RGS6: variants seen among roughly 807,000 people sequenced by gnomAD.
The protein encoded by RGS6 is regulator of G protein signaling 6, also known as regulator of G-protein signaling 6.
A neutral mutation model predicts 78.5 loss-of-function variants in RGS6; 30 were observed. The observed-to-expected ratio is 0.38, with a 90% CI of 0.29 to 0.52. The LOEUF is 0.52. Ranked by LOEUF, RGS6 falls within the 20% of genes least tolerant of loss-of-function variation. The pLI is 0.85. For missense variants in RGS6, 495 were observed against 609.7 expected (o/e 0.81, Z 1.98); for synonymous variants, 206 against 206.0 (o/e 1.00, Z 0.00).
At chr14:72,034,622 T>A (rs2091414710) in intron 2 of RGS6, among the ~76,000 whole-genome samples, 1 of 152,152 alleles carries the variant, frequency 6.6e-6, no homozygotes, top group Admixed American at 6.6e-5. Flanking sequence ...ATCCTTGTGG[T>A]TTTCTTGTAG....
chr14:72,161,537 G>A (rs1034561581), intron 2 of RGS6, among the ~76,000 whole-genome samples: 2 of 152,164 alleles, frequency 1.3e-5, no homozygotes, highest in Admixed American at 6.5e-5. Context: ...ATTACTCAGT[G>A]ATGACCCCAG....
intron 5 of RGS6, among the ~76,000 whole-genome samples, chr14:72,458,873 C>T (rs918620060): frequency 3.3e-5 from 5 of 152,194 alleles, no homozygotes; most frequent in Admixed American, 6.5e-5. Flanking sequence ...CCTCCCAATA[C>T]CATCACCTTG....
At chr14:71,985,600 G>A (rs1325511496) in intron 2 of RGS6, among the ~76,000 whole-genome samples, 3 of 152,130 alleles carry the variant, frequency 2.0e-5, no homozygotes, top group Non-Finnish European at 1.5e-5. Flanking sequence ...GGCATATATA[G>A]ACTGGGCTTC....
the RGS6 span, among the ~76,000 whole-genome samples, chr14:71,891,080 C>A: frequency 6.6e-6 from 1 of 152,166 alleles, no homozygotes; most frequent in African/African-American, 2.4e-5. Flanking sequence ...AGACTGTTTG[C>A]CAGAACCTGC....
At chr14:71,888,090 T>C in the RGS6 span, among the ~76,000 whole-genome samples, 1 of 151,972 alleles carries the variant, frequency 6.6e-6, no homozygotes. Context: ...CCAACACTTA[T>C]GGAAAATAGA....
chr14:72,091,250 C>CT (rs2153501556), intron 2 of RGS6, among the ~76,000 whole-genome samples: 1 of 152,274 alleles, frequency 6.6e-6, no homozygotes, highest in African/African-American at 2.4e-5. Context: ...GTATTGGCCC[C>CT]TGCCTTTGCT....
intron 3 of RGS6, among the ~76,000 whole-genome samples, chr14:72,408,635 G>C (rs1308179783): frequency 6.6e-6 from 1 of 152,172 alleles, no homozygotes; most frequent in East Asian, 1.9e-4. Context: ...TAGACCAAGA[G>C]TTTAGTTTCT....
the RGS6 span, among the ~76,000 whole-genome samples, chr14:72,584,772 A>C: frequency 6.6e-6 from 1 of 152,266 alleles, no homozygotes; most frequent in African/African-American, 2.4e-5. Context: ...TAGAATTATC[A>C]GAAGGATTCA....
At chr14:71,894,314 A>C in the RGS6 span, among the ~76,000 whole-genome samples, 6 of 152,326 alleles carry the variant, frequency 3.9e-5, no homozygotes, top group Admixed American at 1.3e-4. Context: ...AGATATCCCA[A>C]TATCTGGAGA....
chr14:72,249,858 A>G (rs1175438593), intron 2 of RGS6, among the ~76,000 whole-genome samples: 2 of 152,106 alleles, frequency 1.3e-5, no homozygotes, highest in African/African-American at 4.8e-5. Flanking sequence ...CAACAATGAT[A>G]GACTGGATTA....
intron 2 of RGS6, among the ~76,000 whole-genome samples, chr14:72,322,577 A>G (rs1482626304): frequency 6.6e-5 from 10 of 152,106 alleles, no homozygotes. Flanking sequence ...ATTCTGATAA[A>G]TAGAGCACAC....
intron 2 of RGS6, among the ~76,000 whole-genome samples, chr14:72,265,033 C>T (rs2058802552): frequency 6.6e-6 from 1 of 152,104 alleles, no homozygotes; most frequent in Non-Finnish European, 1.5e-5. Flanking sequence ...CAAATGATCA[C>T]ATATGAGCTG....
intron 2 of RGS6, among the ~76,000 whole-genome samples, chr14:72,172,753 A>G (rs1357812213): frequency 2.0e-5 from 3 of 152,204 alleles, no homozygotes; most frequent in South Asian, 2.1e-4. Context: ...TGGCATTACA[A>G]CAGTGACCGA....
chr14:72,115,244 AT>A (rs2095860191), intron 2 of RGS6, among the ~76,000 whole-genome samples: 1 of 152,136 alleles, frequency 6.6e-6, no homozygotes, highest in Non-Finnish European at 1.5e-5. Context: ...TCTTCTCTGG[AT>A]TTGACTTACG....
chr14:72,222,876 C>T (rs912620166), intron 2 of RGS6, among the ~76,000 whole-genome samples: 2 of 152,176 alleles, frequency 1.3e-5, no homozygotes, highest in African/African-American at 4.8e-5. Flanking sequence ...AAGTTTTTCA[C>T]CTCCAAAACT....
At chr14:71,990,491 C>T in intron 2 of RGS6, 1 of 405,070 alleles carries the variant, frequency 2.5e-6, no homozygotes, top group South Asian at 1.8e-5. Context: ...ACCAGGACAG[C>T]TGCTCACAGC....
At chr14:71,983,405 A>G (rs770574670) in intron 2 of RGS6, among the ~76,000 whole-genome samples, 2 of 152,372 alleles carry the variant, frequency 1.3e-5, no homozygotes, top group African/African-American at 4.8e-5. Context: ...ACATTTCTGT[A>G]TTAGTTTGCT....
chr14:72,174,256 G>A (rs1218307708), intron 2 of RGS6, among the ~76,000 whole-genome samples: 2 of 152,190 alleles, frequency 1.3e-5, no homozygotes, highest in Non-Finnish European at 2.9e-5. Context: ...TACAGGCATA[G>A]GCCACCATGC....
intron 3 of RGS6, among the ~76,000 whole-genome samples, chr14:72,389,958 T>C (rs1172074882): frequency 1.3e-5 from 2 of 152,154 alleles, no homozygotes; most frequent in African/African-American, 4.8e-5. Flanking sequence ...GTCCAACTTG[T>C]ATCATTAAAG....
Sources: allele counts gnomAD v4.1 joint callset (sites outside exome capture counted in the v4.1 genomes callset), GRCh38; gene constraint gnomAD v4.1.1; transcripts MANE v1.5; gene names NCBI Gene and HGNC (gene_info 2026-07-23, HGNC 2026-07-21).